Variants in CD163L1 observed in about 807,000 individuals in gnomAD.
The protein encoded by CD163L1 is CD163 molecule like 1.
A neutral mutation model predicts 165.4 loss-of-function variants in CD163L1; 124 were observed. That is an observed-to-expected ratio of 0.75 (90% CI 0.65 to 0.87). The LOEUF is 0.87. Ranked by LOEUF, CD163L1 falls within the 40% of genes least tolerant of loss-of-function variation. The probability of loss-of-function intolerance (pLI) is 0.00; values close to 1 mark genes in which losing one functional copy is unlikely to be tolerated. For synonymous variants in CD163L1, 585 were observed against 662.2 expected (o/e 0.88, Z 1.79); for missense variants, 1,525 against 1,799.9 (o/e 0.85, Z 2.76).
At chr12:7,341,106 T>C in the CD163L1 span, among the ~76,000 whole-genome samples, 1 of 152,246 alleles carries the variant, frequency 6.6e-6, no homozygotes, top group Non-Finnish European at 1.5e-5. Flanking sequence ...CCTAGTATAA[T>C]AGATTAATTT....
At chr12:7,425,697 T>C (rs1475672838) in intron 4 of CD163L1, among the ~76,000 whole-genome samples, 1 of 152,066 alleles carries the variant, frequency 6.6e-6, no homozygotes, top group East Asian at 1.9e-4. Context: ...GTTGGCCACA[T>C]AAATGTCTTC....
At chr12:7,383,764 A>C (rs1286228732) in intron 8 of CD163L1, among the ~76,000 whole-genome samples, 1 of 152,220 alleles carries the variant, frequency 6.6e-6, no homozygotes, top group Non-Finnish European at 1.5e-5. Flanking sequence ...CCCAGGATCA[A>C]AGATAAACTG....
chr12:7,393,443 A>G (rs1435372884), intron 8 of CD163L1, among the ~76,000 whole-genome samples: 3 of 152,218 alleles, frequency 2.0e-5, no homozygotes, highest in African/African-American at 4.8e-5. Context: ...AGAGCTATTT[A>G]TGACAAACCC....
At chr12:7,337,278 A>G in the CD163L1 span, among the ~76,000 whole-genome samples, 341 of 152,354 alleles carry the variant, frequency 2.2e-3, 2 homozygotes, top group African/African-American at 8.0e-3. Flanking sequence ...TCATGACTAA[A>G]ACACCAAAAG....
chr12:7,388,533 G>A (rs1258145017), intron 8 of CD163L1, among the ~76,000 whole-genome samples: 3 of 151,208 alleles, frequency 2.0e-5, no homozygotes, highest in Non-Finnish European at 3.0e-5. Context: ...ACTTGAGCCC[G>A]GGAGATTGAG....
intron 6 of CD163L1, among the ~76,000 whole-genome samples, chr12:7,399,084 C>A (rs910872612): frequency 7.2e-5 from 11 of 152,162 alleles, no homozygotes; most frequent in Admixed American, 7.2e-4. Context: ...CTTAATTTTT[C>A]CACTGTTCAA....
At chr12:7,360,138 G>A (rs1039407792) in intron 18 of CD163L1, among the ~76,000 whole-genome samples, 2 of 151,782 alleles carry the variant, frequency 1.3e-5, no homozygotes, top group South Asian at 4.2e-4. Context: ...CCAATGATAT[G>A]TACATCTTTT....
In CD163L1 at chr12:7,368,252, T is replaced by C. The variant is rs1947064020; in HGVS notation, c.4073-55A>G. The C allele has an allele frequency of 2.0e-6, 2 of 990,412 alleles. No homozygotes were observed. Among genetic ancestry groups the C allele is most frequent in the South Asian group, 1.5e-5 (1 of 68,042 alleles). The allele number at this position is 990,412 out of a possible 1,614,324, so 61.4% of individuals were successfully genotyped here. A position where few individuals can be genotyped will look rare whatever the true frequency, so the allele number is the denominator to read the frequency against. On this transcript the variant is annotated intron_variant, in intron 16 of 19. Transcript: ENST00000313599. The surrounding 1 kb of genome is among the most constrained non-coding windows in gnomAD (Gnocchi z 4.3). ...TAAACTAGTAGATATCAATTGTGGGTTTATACATTGTAAAAAAAACTGGTT... is the reference window on the plus strand; with the variant it reads ...TAAACTAGTAGATATCAATTGTGGGCTTATACATTGTAAAAAAAACTGGTT...
chr12:7,410,764 A>G (rs1345752809), intron 4 of CD163L1, among the ~76,000 whole-genome samples: 2 of 151,880 alleles, frequency 1.3e-5, no homozygotes, highest in Admixed American at 1.3e-4. Flanking sequence ...CAGGAGGCAG[A>G]GGTTGCAGTG....
chr12:7,385,107 C>T (rs1230388914), intron 8 of CD163L1, among the ~76,000 whole-genome samples: 1 of 151,562 alleles, frequency 6.6e-6, no homozygotes, highest in Non-Finnish European at 1.5e-5. Flanking sequence ...CTAGAAGAAA[C>T]TGACTTCAAC....
chr12:7,365,338 C>G (rs778623812), intron 18 of CD163L1, among the ~76,000 whole-genome samples: 1 of 152,026 alleles, frequency 6.6e-6, no homozygotes, highest in Non-Finnish European at 1.5e-5. Context: ...GGGAAACACT[C>G]CAGGATATTG....
intron 9 of CD163L1, among the ~76,000 whole-genome samples, chr12:7,378,139 A>G (rs1337086422): frequency 6.6e-6 from 1 of 152,178 alleles, no homozygotes; most frequent in African/African-American, 2.4e-5. Context: ...CCATCTGCTT[A>G]GTCTAGAAAC....
At chr12:7,410,151 CA>C (rs571328111) in intron 4 of CD163L1, among the ~76,000 whole-genome samples, 31 of 151,846 alleles carry the variant, frequency 2.0e-4, no homozygotes, top group Non-Finnish European at 4.3e-4. Context: ...AAAGTATTAG[CA>C]TACTGTAAAA....
chr12:7,356,825 C>G (rs1166274559), intron 19 of CD163L1, among the ~76,000 whole-genome samples: 4 of 152,086 alleles, frequency 2.6e-5, no homozygotes, highest in African/African-American at 9.7e-5. Context: ...TGCCTCAATG[C>G]AACATTATTA....
the CD163L1 span, among the ~76,000 whole-genome samples, chr12:7,335,400 C>A: frequency 5.1e-4 from 78 of 152,214 alleles, 1 homozygote; most frequent in South Asian, 0.016. Flanking sequence ...GAAAGGATTC[C>A]CTATTTAATA....
rs759375232 is a variant in CD163L1, at chr12:7,368,097, C to T, written c.4173G>A (p.Leu1391=). The change falls in exon 17 of 20, where the codon CTG becomes CTA. Residue 1391 remains leucine (L), a synonymous_variant. Coordinates refer to ENST00000313599, the MANE Select transcript of CD163L1 (RefSeq NM_174941.6). This position sits in a 1 kb window ranked among gnomAD's most constrained non-coding sequence, Gnocchi z 4.3. ...TWCRVQKQKH[L]PLRVSTRRRG... is the part of the protein sequence containing the mutation. ...TAGTGGGGCTCTCACCTCTGAGGGG[C>T]AGATGTTTTTGTTTCTGAACTCGGC... 1.3e-6 allele frequency: 2 copies of T among 1,595,962 alleles called. No individual in the cohort carries two copies. The highest frequency in any genetic ancestry group is 4.5e-5 in the East Asian group (2 of 44,778).
chr12:7,332,792 A>G, the CD163L1 span, among the ~76,000 whole-genome samples: 37 of 152,354 alleles, frequency 2.4e-4, no homozygotes, highest in East Asian at 4.6e-3. Context: ...AGCACTAAAC[A>G]TGGAAAGGAA....
intron 8 of CD163L1, among the ~76,000 whole-genome samples, chr12:7,393,356 T>G (rs2136486527): frequency 6.6e-6 from 1 of 152,252 alleles, no homozygotes; most frequent in East Asian, 1.9e-4. Flanking sequence ...GAAAAGGCCT[T>G]AGACAAAATT....
chr12:7,401,305 T>C (rs766508038), intron 6 of CD163L1, among the ~76,000 whole-genome samples: 103 of 152,148 alleles, frequency 6.8e-4, no homozygotes, highest in Middle Eastern at 3.4e-3. Flanking sequence ...TATTATTATA[T>C]TTTAAAAATC....
Sources: allele counts gnomAD v4.1 joint callset (sites outside exome capture counted in the v4.1 genomes callset), GRCh38; gene constraint gnomAD v4.1.1; non-coding constraint Gnocchi (gnomAD v3.1); transcripts MANE v1.5; gene names NCBI Gene and HGNC (gene_info 2026-07-23, HGNC 2026-07-21).